Variants in NTN1 observed in about 807,000 individuals in gnomAD.
The protein encoded by NTN1 is netrin-1.
Under a neutral mutation model 54.2 loss-of-function variants are expected in NTN1, and 11 were observed. That is an observed-to-expected ratio of 0.20 (90% confidence interval 0.13 to 0.34). NTN1 has a LOEUF of 0.34. NTN1 is among the 10% of genes least tolerant of loss of function. NTN1 has a pLI of 1.00. For synonymous variants in NTN1, 371 were observed against 382.0 expected (o/e 0.97, Z 0.33); for missense variants, 740 against 893.1 (o/e 0.83, Z 2.18).
chr17:9,076,688 T>C (rs2142220652), intron 2 of NTN1, among the ~76,000 whole-genome samples: 1 of 152,376 alleles, frequency 6.6e-6, no homozygotes, highest in South Asian at 2.1e-4. Context: ...GGTTCCCTAC[T>C]TTAGATTAGC....
chr17:9,035,564 A>T (rs576155528), intron 2 of NTN1, among the ~76,000 whole-genome samples: 1 of 152,244 alleles, frequency 6.6e-6, no homozygotes, highest in Admixed American at 6.5e-5. Context: ...GGGTTTGGGC[A>T]TCTGTTCAAT....
intron 2 of NTN1, among the ~76,000 whole-genome samples, chr17:9,075,825 G>T (rs1287916386): frequency 6.7e-4 from 1 of 1,484 alleles, no homozygotes; most frequent in Non-Finnish European, 9.0e-4. Flanking sequence ...TGTTTCCCCA[G>T]GGGGAAAATA....
chr17:9,052,419 A>G (rs2091964066), intron 2 of NTN1, among the ~76,000 whole-genome samples: 1 of 152,218 alleles, frequency 6.6e-6, no homozygotes, highest in Admixed American at 6.5e-5. Flanking sequence ...ATATGTGCAC[A>G]AAAAGGCATG....
At chr17:9,092,790 G>A (rs945444775) in intron 2 of NTN1, among the ~76,000 whole-genome samples, 3 of 149,966 alleles carry the variant, frequency 2.0e-5, no homozygotes, top group South Asian at 2.1e-4. Flanking sequence ...ACAGAGTCTC[G>A]CTCTGTCGCC....
intron 2 of NTN1, among the ~76,000 whole-genome samples, chr17:9,147,397 C>A (rs1468291137): frequency 6.6e-6 from 1 of 152,124 alleles, no homozygotes; most frequent in East Asian, 1.9e-4. Context: ...CACCTGTAGT[C>A]CCAGCTACTA....
chr17:9,043,797 C>T (rs941394337), intron 2 of NTN1, among the ~76,000 whole-genome samples: 2 of 152,096 alleles, frequency 1.3e-5, no homozygotes, highest in African/African-American at 4.8e-5. Flanking sequence ...TCAGGCTGGT[C>T]TCAAACTCCG....
chr17:9,005,107 C>A, the NTN1 span, among the ~76,000 whole-genome samples: 2 of 152,134 alleles, frequency 1.3e-5, no homozygotes, highest in African/African-American at 4.8e-5. Flanking sequence ...CCTTGCTGCA[C>A]CTCCCCCGCA....
intron 2 of NTN1, among the ~76,000 whole-genome samples, chr17:9,082,776 T>C (rs2092076194): frequency 6.6e-6 from 1 of 151,270 alleles, no homozygotes; most frequent in Admixed American, 6.6e-5. Flanking sequence ...TTGGCTAAGA[T>C]GATGGAACCA....
intron 2 of NTN1, among the ~76,000 whole-genome samples, chr17:9,129,998 G>A (rs971213763): frequency 2.0e-5 from 3 of 152,226 alleles, no homozygotes; most frequent in Admixed American, 6.5e-5. Context: ...TTATCTGTGA[G>A]TGGCTTCTTG....
At chr17:9,238,137 G>C (rs1906055682) in intron 6 of NTN1, among the ~76,000 whole-genome samples, 1 of 152,138 alleles carries the variant, frequency 6.6e-6, no homozygotes, top group Non-Finnish European at 1.5e-5. Context: ...GTGGCCCCCA[G>C]AGACGTTGAC....
At chr17:9,064,104 T>C (rs891040698) in intron 2 of NTN1, among the ~76,000 whole-genome samples, 1 of 152,236 alleles carries the variant, frequency 6.6e-6, no homozygotes, top group Non-Finnish European at 1.5e-5. Context: ...AGGGGTTATA[T>C]TGTTTGTAGG....
At chr17:9,142,741 G>C (rs934193122) in intron 2 of NTN1, among the ~76,000 whole-genome samples, 6 of 152,078 alleles carry the variant, frequency 3.9e-5, no homozygotes, top group African/African-American at 1.4e-4. Context: ...CAACCAAAAA[G>C]TCTGTCCTTA....
chr17:9,129,467 G>A (rs2142268749), intron 2 of NTN1, among the ~76,000 whole-genome samples: 1 of 152,246 alleles, frequency 6.6e-6, no homozygotes, highest in Non-Finnish European at 1.5e-5. Context: ...TTCCTCTTGG[G>A]GAGGAGATGG....
chr17:9,074,448 A>G (rs1248322558), intron 2 of NTN1, among the ~76,000 whole-genome samples: 1 of 152,188 alleles, frequency 6.6e-6, no homozygotes, highest in Non-Finnish European at 1.5e-5. Flanking sequence ...TGTGCAAATC[A>G]GTGGAAATTC....
chr17:9,106,601 C>T (rs1310068678), intron 2 of NTN1, among the ~76,000 whole-genome samples: 1 of 152,002 alleles, frequency 6.6e-6, no homozygotes, highest in African/African-American at 2.4e-5. Flanking sequence ...GCAACCTCCG[C>T]TTCCTGGGTT....
intron 2 of NTN1, among the ~76,000 whole-genome samples, chr17:9,054,427 G>A (rs1048159252): frequency 6.6e-6 from 1 of 152,200 alleles, no homozygotes; most frequent in African/African-American, 2.4e-5. Context: ...TTTGAACAAG[G>A]ATGGAGGGTG....
At chr17:9,089,351 G>A (rs183073139) in intron 2 of NTN1, among the ~76,000 whole-genome samples, 2 of 151,898 alleles carry the variant, frequency 1.3e-5, no homozygotes, top group East Asian at 3.9e-4. Flanking sequence ...GGAGGCGGAG[G>A]TTGCAGTGAG....
At chr17:9,034,133 G>C (rs1378971269) in intron 2 of NTN1, among the ~76,000 whole-genome samples, 2 of 152,072 alleles carry the variant, frequency 1.3e-5, no homozygotes, top group African/African-American at 4.8e-5. Flanking sequence ...AAATTAAGCT[G>C]TCTGTGCCTT....
At chr17:9,235,388 C>A (rs956810072) in intron 6 of NTN1, among the ~76,000 whole-genome samples, 2 of 148,608 alleles carry the variant, frequency 1.3e-5, no homozygotes, top group African/African-American at 5.2e-5. Context: ...CTCAGCAGAG[C>A]CCCCCTGTTC....
Sources: gnomAD v4.1 joint callset for allele counts (sites outside exome capture counted in the v4.1 genomes callset) on GRCh38, gnomAD v4.1.1 for gene constraint, MANE v1.5 for transcripts, NCBI Gene and HGNC (gene_info 2026-07-23, HGNC 2026-07-21) for gene names.